The following LRRC8A variants were observed in gnomAD, a reference collection of about 807,000 sequenced individuals.
LRRC8A encodes the protein leucine rich repeat containing 8 VRAC subunit A.
Under a neutral mutation model 52.5 loss-of-function variants are expected in LRRC8A, and 24 were observed. That is an observed-to-expected ratio of 0.46 (90% CI 0.33 to 0.64). LRRC8A has a LOEUF of 0.64. Ranked by LOEUF, LRRC8A falls within the 30% of genes least tolerant of loss-of-function variation. LRRC8A has a pLI of 0.02. For missense variants in LRRC8A, 677 were observed against 1,094.7 expected (o/e 0.62, Z 5.38); for synonymous variants, 492 against 494.2 (o/e 1.00, Z 0.06).
rs1488857601 is a variant in LRRC8A, at chr9:128,907,380, G to T, written c.216G>T (p.Trp72Cys). The T allele has an allele frequency of 1.2e-6, 2 of 1,613,462 alleles. No individual in the cohort carries two copies. The highest frequency in any genetic ancestry group is 1.6e-4 in the Middle Eastern group (1 of 6,062). The change falls in exon 3 of 4, where the codon TGG (tryptophan) becomes TGT (cysteine). Residue 72 changes from tryptophan (W) to cysteine (C), a missense_variant. Coordinates refer to ENST00000372600, the MANE Select transcript of LRRC8A (RefSeq NM_019594.4). This position sits in a 1 kb window ranked among gnomAD's most constrained non-coding sequence, Gnocchi z 9.3. ...CCTGCAATGATTCGTTCCGGGGCTGGGCAGCCCCTGGCCCGGAGCCCACCT... is the reference window on the plus strand; with the variant it reads ...CCTGCAATGATTCGTTCCGGGGCTGTGCAGCCCCTGGCCCGGAGCCCACCT... ...KDSCNDSFRG[W>C]AAPGPEPTYP...
At position 128,907,279 on chromosome 9, in the gene LRRC8A, G is replaced by A; in HGVS notation, c.115G>A (p.Ala39Thr). Reference protein sequence around the residue: ...DYISIVMLMIAVFGGTLQVTQ... With the variant: ...DYISIVMLMITVFGGTLQVTQ... ...CATCTCTATCGTCATGCTGATGATT[G>A]CCGTCTTCGGGGGGACGCTGCAGGT... Residue 39 changes from alanine (A) to threonine (T), a missense_variant, in exon 3 of 4, where the codon GCC becomes ACC. Physicochemically the swap from Ala to Thr is moderately conservative, Grantham distance 58. Around this residue, in one of 4 missense-constraint regions of LRRC8A, gnomAD observed 32 missense variants for 86.0 expected, o/e 0.37. Transcript: ENST00000372600. The surrounding 1 kb of genome is among the most constrained non-coding windows in gnomAD (Gnocchi z 9.3). The A allele has an allele frequency of 6.2e-7, 1 of 1,614,066 alleles. No individual in the cohort carries two copies. Among genetic ancestry groups the A allele is most frequent in the Non-Finnish European group, 8.5e-7 (1 of 1,180,032 alleles).
At chr9:128,893,521 T>C (rs1839707143) in intron 2 of LRRC8A, among the ~76,000 whole-genome samples, 1 of 152,126 alleles carries the variant, frequency 6.6e-6, no homozygotes, top group East Asian at 1.9e-4. Context: ...GGCGTTTGAG[T>C]TGCCCAACTC....
rs1564528559 is a variant in LRRC8A at position 128,908,715 on chromosome 9, A to T, written c.1551A>T (p.Thr517=). 1.9e-6 allele frequency: 3 copies of T among 1,612,952 alleles called. No individual in the cohort carries two copies. Among genetic ancestry groups the T allele is most frequent in the Admixed American group, 3.3e-5 (2 of 60,004 alleles). Residue 517 remains threonine, a synonymous_variant, in exon 3 of 4, where the codon ACA becomes ACT. Transcript: ENST00000372600. ...CGCTGTGGATCTATAGCCTGAAGAC[A>T]CTGGAGGAGCTGCACCTGACGGGCA... The part of the protein sequence containing the change: ...EIPLWIYSLK[T]LEELHLTGNL...
intron 2 of LRRC8A, among the ~76,000 whole-genome samples, chr9:128,903,107 G>T (rs12004205): frequency 0.055 from 8,444 of 152,234 alleles, 279 homozygotes; most frequent in African/African-American, 0.096. Context: ...AATAGCAGGG[G>T]GATGTTGGCA....
At position 128,899,731 on chromosome 9, in the gene LRRC8A, T is replaced by C. The variant is rs1042917627; in HGVS notation, c.-8-7426T>C. Among the ~76,000 whole-genome samples, 2 of 151,984 alleles carry C rather than the reference T, an allele frequency of 1.3e-5. No homozygotes were observed. Among genetic ancestry groups the C allele is most frequent in the Non-Finnish European group, 2.9e-5 (2 of 67,968 alleles). On this transcript the variant is annotated intron_variant, in intron 2 of 3. Coordinates refer to ENST00000372600, the MANE Select transcript of LRRC8A (RefSeq NM_019594.4). The surrounding 1 kb of genome is among the most constrained non-coding windows in gnomAD (Gnocchi z 4.0). ...AGAGAGAGGAAGTGGGATGGAGTGCTTGGAGGCGGTGGGAGGAAGGGGTGT... is the reference window on the plus strand; with the variant it reads ...AGAGAGAGGAAGTGGGATGGAGTGCCTGGAGGCGGTGGGAGGAAGGGGTGT...
intron 1 of LRRC8A, among the ~76,000 whole-genome samples, 169 bp from the exon 2 acceptor site, chr9:128,885,846 T>C (rs1280829961): frequency 2.6e-5 from 4 of 151,848 alleles, no homozygotes; most frequent in Non-Finnish European, 5.9e-5. Context: ...GAGGCGGAGG[T>C]TGCAGTGAAC....
chr9:128,897,410 G>A (rs1218577232), intron 2 of LRRC8A, among the ~76,000 whole-genome samples: 2 of 150,260 alleles, frequency 1.3e-5, no homozygotes, highest in African/African-American at 2.5e-5. Context: ...ACAGGATTCC[G>A]CCATGTTGGC....
At chr9:128,910,601 G>A (rs1360438934) in intron 3 of LRRC8A, among the ~76,000 whole-genome samples, 3 of 152,168 alleles carry the variant, frequency 2.0e-5, no homozygotes, top group Non-Finnish European at 2.9e-5. Context: ...GCTGAGGCAG[G>A]ATCGCTTCAG....
chr9:128,887,696 C>T (rs1171959627), intron 2 of LRRC8A, among the ~76,000 whole-genome samples: 1 of 151,876 alleles, frequency 6.6e-6, no homozygotes, highest in Non-Finnish European at 1.5e-5. Flanking sequence ...GGCTGGAGTG[C>T]AGTGGCACAA....
chr9:128,888,195 C>T (rs1839471638), intron 2 of LRRC8A, among the ~76,000 whole-genome samples: 1 of 152,146 alleles, frequency 6.6e-6, no homozygotes, highest in South Asian at 2.1e-4. Context: ...GGAACTCTGT[C>T]CCCTGGAGAG....
chr9:128,898,802 C>T (rs1839920130), intron 2 of LRRC8A, among the ~76,000 whole-genome samples: 1 of 152,284 alleles, frequency 6.6e-6, no homozygotes, highest in Non-Finnish European at 1.5e-5. Flanking sequence ...TAGGCTTGCT[C>T]TCCACTGACC....
Position 128,916,062 on chromosome 9 carries a change from C to A in LRRC8A, c.2158-34C>A. Reference sequence around the variant, plus strand: ...CAGAGGCCCCGTCCAAGCCCACACCCACCTCACTCTCACCCCTGCTTTTTT... The same window carrying A: ...CAGAGGCCCCGTCCAAGCCCACACCAACCTCACTCTCACCCCTGCTTTTTT... On this transcript the variant is annotated intron_variant, in intron 3 of 3. Transcript: ENST00000372600. The surrounding 1 kb of genome is among the most constrained non-coding windows in gnomAD (Gnocchi z 6.1). The A allele has an allele frequency of 6.4e-7, 1 of 1,572,344 alleles. No individual in the cohort carries two copies. The highest frequency in any genetic ancestry group is 1.2e-5 in the South Asian group (1 of 84,758).
chr9:128,901,941 G>A (rs115925653), intron 2 of LRRC8A, among the ~76,000 whole-genome samples: 5 of 152,338 alleles, frequency 3.3e-5, no homozygotes, highest in African/African-American at 1.2e-4. Context: ...CATCAGAGAG[G>A]GGCAGTGACT....
rs536163531 is a variant in LRRC8A, at chr9:128,886,002, C to T, written c.-115-13C>T. On this transcript the variant is annotated splice_polypyrimidine_tract_variant and intron_variant, in intron 1 of 3. Coordinates refer to ENST00000372600, the MANE Select transcript of LRRC8A (RefSeq NM_019594.4). ...ACATGTGCCTGCTGACGGCAGCTCT[C>T]GCTTCCTTGTAGGGAGGCAGCGTCC... The T allele has an allele frequency of 1.6e-4, 25 of 152,470 alleles. No homozygotes were observed. Among genetic ancestry groups the T allele is most frequent in the African/African-American group, 5.3e-4 (22 of 41,594 alleles). The allele number at this position is 152,470 out of a possible 1,614,324, so 9.4% of individuals were successfully genotyped here.
At chr9:128,904,735 C>T (rs757463505) in intron 2 of LRRC8A, among the ~76,000 whole-genome samples, 13 of 151,954 alleles carry the variant, frequency 8.6e-5, no homozygotes, top group Non-Finnish European at 1.5e-4. Context: ...TGGTTCACAC[C>T]TGTAATCCCA....
At chr9:128,900,834 A>G (rs1391427802) in intron 2 of LRRC8A, among the ~76,000 whole-genome samples, 1 of 152,124 alleles carries the variant, frequency 6.6e-6, no homozygotes, top group Non-Finnish European at 1.5e-5. Flanking sequence ...TTGAGGCCAA[A>G]TGGGCAACAT....
At position 128,909,154 on chromosome 9, in the gene LRRC8A, C is replaced by CT; in HGVS notation, c.1991dup (p.Glu665GlyfsTer142). On this transcript the variant is annotated frameshift_variant, in exon 3 of 4. Coordinates refer to ENST00000372600, the MANE Select transcript of LRRC8A (RefSeq NM_019594.4). LOFTEE classifies it high-confidence loss of function. The stretch of plus-strand genomic sequence containing the variant: ...CATCCAGATCGGCAACCTCACCAAC[C>CT]TGGAGCGCCTCTACCTGAACCGCAA... 6.2e-7 allele frequency: 1 copy of CT among 1,614,202 alleles called. No individual in the cohort carries two copies. Among genetic ancestry groups the CT allele is most frequent in the Non-Finnish European group, 8.5e-7 (1 of 1,180,042 alleles).
chr9:128,902,202 T>C lies in LRRC8A; in HGVS notation c.-8-4955T>C, dbSNP rs911203710. Among the ~76,000 whole-genome samples the C allele has an allele frequency of 7.0e-6, 1 of 142,440 alleles. No individual in the cohort carries two copies. The highest frequency in any genetic ancestry group is 6.9e-5 in the Admixed American group (1 of 14,456). The allele number at this position is 142,440 out of a possible 152,430, so 93.4% of individuals were successfully genotyped here. ...TGAAGCAGAAGTCCCACCTTGATCA[T>C]TTTTTTTTACCCCCGCTGGACCTAG... On this transcript the variant is annotated intron_variant, in intron 2 of 3. Transcript: ENST00000372600. The surrounding 1 kb of genome is among the most constrained non-coding windows in gnomAD (Gnocchi z 4.1).
At chr9:128,913,225 G>A (rs1840639129) in intron 3 of LRRC8A, among the ~76,000 whole-genome samples, 1 of 152,154 alleles carries the variant, frequency 6.6e-6, no homozygotes, top group African/African-American at 2.4e-5. Context: ...GGTGGACAGG[G>A]TCATGGAGGC....
Sources: gnomAD v4.1 joint callset for allele counts (sites outside exome capture counted in the v4.1 genomes callset) on GRCh38, gnomAD v4.1.1 for gene constraint, gnomAD v4.1.1 regional missense constraint, Gnocchi (gnomAD v3.1) non-coding constraint, MANE v1.5 for transcripts, NCBI Gene and HGNC (gene_info 2026-07-23, HGNC 2026-07-21) for gene names.